Variants in MTBP observed in about 807,000 individuals in gnomAD.
MTBP encodes the protein MDM2 binding protein.
A neutral mutation model predicts 117.0 loss-of-function variants in MTBP; 101 were observed. The observed-to-expected ratio is 0.86, with a 90% CI of 0.73 to 1.02. The LOEUF (loss-of-function observed/expected upper bound fraction) is 1.02, where lower values mean the gene tolerates loss of function less well. Ranked by LOEUF, MTBP falls within the 50% of genes least tolerant of loss-of-function variation. The pLI, the probability that MTBP is intolerant of heterozygous loss-of-function variation, is 0.00. For synonymous variants in MTBP, 350 were observed against 351.5 expected (o/e 1.00, Z 0.05); for missense variants, 970 against 1,030.9 (o/e 0.94, Z 0.81).
At chr8:120,464,899 G>A (rs1813656549) in intron 10 of MTBP, among the ~76,000 whole-genome samples, 1 of 151,886 alleles carries the variant, frequency 6.6e-6, no homozygotes, top group Non-Finnish European at 1.5e-5. Context: ...TACAGAAGAA[G>A]CTTCTGTATT....
intron 7 of MTBP, among the ~76,000 whole-genome samples, chr8:120,458,141 A>G (rs1813509780): frequency 6.6e-6 from 1 of 152,176 alleles, no homozygotes; most frequent in African/African-American, 2.4e-5. Flanking sequence ...CACTGGATGC[A>G]TTTAAAACTT....
At chr8:120,490,009 G>A (rs949968971) in intron 12 of MTBP, among the ~76,000 whole-genome samples, 3 of 152,176 alleles carry the variant, frequency 2.0e-5, no homozygotes, top group Non-Finnish European at 4.4e-5. Context: ...ATGAAGAATG[G>A]GGAGAGAGAC....
chr8:120,480,359 G>A (rs138402586), intron 11 of MTBP, among the ~76,000 whole-genome samples: 108 of 152,104 alleles, frequency 7.1e-4, no homozygotes, highest in African/African-American at 2.3e-3. Flanking sequence ...GCAGTGAGCC[G>A]AGATCACGCC....
Position 120,518,022 on chromosome 8 carries a change from C to A in MTBP, c.2418C>A (p.Thr806=). The part of the protein sequence containing the change: ...SCETPKLATK[T]SSGQKSMHES... ...AAACTCCAAAACTTGCTACAAAGAC[C>A]AGTTCAGGTCAAAAAAGTATGCATG... is the stretch of plus-strand genomic sequence containing the variant. The change falls in exon 19 of 22, where the codon ACC becomes ACA. Residue 806 remains threonine (T), a synonymous_variant. Transcript: ENST00000305949. 6.2e-7 allele frequency: 1 copy of A among 1,612,828 alleles called. No homozygotes were observed. Among genetic ancestry groups the A allele is most frequent in the Non-Finnish European group, 8.5e-7 (1 of 1,179,152 alleles).
At position 120,518,735 on chromosome 8, in the gene MTBP, A is replaced by G. The variant is rs1814964629; in HGVS notation, c.2528A>G (p.Lys843Arg). ...ILKEVVTETL[K>R]KHSITETHEC... ...AAAGAAGTAGTTACTGAAACCCTGA[A>G]GAAACACAGTATTACCGAGACTCAT... Residue 843 changes from lysine to arginine, a missense_variant, in exon 20 of 22, where the codon AAG becomes AGG. By Grantham distance (26) the Lys-to-Arg change is conservative. Transcript: ENST00000305949. 1.2e-6 allele frequency: 2 copies of G among 1,611,142 alleles called. No individual in the cohort carries two copies. The highest frequency in any genetic ancestry group is 1.7e-6 in the Non-Finnish European group (2 of 1,178,312).
intron 11 of MTBP, 83 bp downstream of exon 11, chr8:120,471,020 A>T (rs139022872): frequency 0.017 from 16,116 of 940,810 alleles, 176 homozygotes; most frequent in Middle Eastern, 0.026. Flanking sequence ...TAACATTTCT[A>T]TATGAGAAAA....
Position 120,518,696 on chromosome 8 carries a change from T to G in MTBP, c.2497-8T>G. ...GAAATATTCGTCATATGTTATGTTC[T>G]GTTCAAGATACTGAAAGAAGTAGTT... On this transcript the variant is annotated splice_region_variant and splice_polypyrimidine_tract_variant and intron_variant, in intron 19 of 21. Coordinates refer to ENST00000305949, the MANE Select transcript of MTBP (RefSeq NM_022045.5). The G allele has an allele frequency of 6.4e-7, 1 of 1,566,890 alleles. No individual in the cohort carries two copies. Among genetic ancestry groups the G allele is most frequent in the Non-Finnish European group, 8.8e-7 (1 of 1,142,618 alleles).
chr8:120,498,297 C>T (rs145509802), intron 14 of MTBP, among the ~76,000 whole-genome samples: 154 of 152,284 alleles, frequency 1.0e-3, no homozygotes, highest in Non-Finnish European at 1.9e-3. Flanking sequence ...ACACTTAGAA[C>T]ACAAGTACCA....
At chr8:120,457,915 C>T (rs1813504295) in intron 7 of MTBP, among the ~76,000 whole-genome samples, 1 of 147,486 alleles carries the variant, frequency 6.8e-6, no homozygotes, top group East Asian at 2.0e-4. Flanking sequence ...CACTGCACTC[C>T]AGCCTGCGTG....
At chr8:120,510,993 G>T (rs192086665) in intron 17 of MTBP, among the ~76,000 whole-genome samples, 3 of 152,008 alleles carry the variant, frequency 2.0e-5, no homozygotes, top group Admixed American at 2.0e-4. Flanking sequence ...ATTTCTAAAA[G>T]AAATCCTGTA....
Position 120,523,453 on chromosome 8 carries a change from A to T in MTBP, c.*117A>T, listed in dbSNP as rs1815037903. Reference sequence around the variant, plus strand: ...AAGCTTTATTCAAAGAATAGATGTTATATTTCTAAAGAATTTCATGAATAT... The same window carrying T: ...AAGCTTTATTCAAAGAATAGATGTTTTATTTCTAAAGAATTTCATGAATAT... On this transcript the variant is annotated 3_prime_UTR_variant, in exon 22 of 22. Coordinates refer to ENST00000305949, the MANE Select transcript of MTBP (RefSeq NM_022045.5). The T allele has an allele frequency of 1.9e-6, 1 of 539,942 alleles. No homozygotes were observed. Among genetic ancestry groups the T allele is most frequent in the Non-Finnish European group, 3.2e-6 (1 of 314,566 alleles). The allele number at this position is 539,942 out of a possible 1,614,324, so 33.4% of individuals were successfully genotyped here.
intron 9 of MTBP, among the ~76,000 whole-genome samples, chr8:120,462,601 C>T (rs148257650): frequency 5.6e-4 from 86 of 152,252 alleles, no homozygotes; most frequent in African/African-American, 2.0e-3. Flanking sequence ...TATAACTAGA[C>T]GTTACTTTCA....
intron 11 of MTBP, among the ~76,000 whole-genome samples, chr8:120,484,912 G>A (rs1190672304): frequency 6.6e-6 from 1 of 152,148 alleles, no homozygotes; most frequent in Non-Finnish European, 1.5e-5. Flanking sequence ...ATAGTATCTA[G>A]TTTTTAGTGA....
intron 7 of MTBP, 133 bp downstream of exon 7, chr8:120,456,803 T>C (rs367990727): frequency 1.6e-6 from 1 of 641,988 alleles, no homozygotes; most frequent in Non-Finnish European, 2.7e-6. Context: ...CTTTCTGCAA[T>C]AATTAAATGT....
intron 11 of MTBP, chr8:120,473,130 C>T: frequency 6.6e-6 from 1 of 152,082 alleles, no homozygotes; most frequent in African/African-American, 2.4e-5. Flanking sequence ...ACTTATAATG[C>T]CTGATACAAT....
rs1814964539 is a variant in MTBP at position 120,518,730 on chromosome 8, C to T, written c.2523C>T (p.Thr841=). ...TRILKEVVTE[T]LKKHSITETH... ...TACTGAAAGAAGTAGTTACTGAAAC[C>T]CTGAAGAAACACAGTATTACCGAGA... Residue 841 remains threonine, a synonymous_variant, in exon 20 of 22, where the codon ACC becomes ACT. Coordinates refer to ENST00000305949, the MANE Select transcript of MTBP (RefSeq NM_022045.5). 1 of 1,609,124 alleles carries T rather than the reference C, an allele frequency of 6.2e-7. No individual in the cohort carries two copies. Among genetic ancestry groups the T allele is most frequent in the East Asian group, 2.2e-5 (1 of 44,704 alleles).
At chr8:120,457,058 C>G (rs894752841) in intron 7 of MTBP, among the ~76,000 whole-genome samples, 6 of 152,050 alleles carry the variant, frequency 3.9e-5, no homozygotes, top group Non-Finnish European at 2.9e-5. Flanking sequence ...GTGTAAACTA[C>G]TAGAAAAAAC....
intron 11 of MTBP, among the ~76,000 whole-genome samples, chr8:120,483,018 T>G (rs954697252): frequency 6.6e-6 from 1 of 151,670 alleles, no homozygotes; most frequent in African/African-American, 2.4e-5. Context: ...TTTTTTTTTT[T>G]TTTTAACTAT....
chr8:120,518,184 T>A (rs553336914), intron 19 of MTBP, 84 bp downstream of exon 19: 3 of 1,391,302 alleles, frequency 2.2e-6, no homozygotes, highest in Non-Finnish European at 2.9e-6. Flanking sequence ...GTCTAAAAAA[T>A]TTTATGAATG....
Sources: allele counts gnomAD v4.1 joint callset (sites outside exome capture counted in the v4.1 genomes callset), GRCh38; gene constraint gnomAD v4.1.1; transcripts MANE v1.5; gene names NCBI Gene and HGNC (gene_info 2026-07-23, HGNC 2026-07-21).